Variants in PAK2 observed in about 807,000 individuals in gnomAD.
PAK2 encodes p21 (RAC1) activated kinase 2, also known as serine/threonine-protein kinase PAK 2.
Under a neutral mutation model 65.9 loss-of-function variants are expected in PAK2, and 21 were observed. That is an observed-to-expected ratio of 0.32 (90% confidence interval 0.23 to 0.46). The LOEUF (loss-of-function observed/expected upper bound fraction) is 0.46, where lower values mean the gene tolerates loss of function less well. PAK2 is among the 20% of genes least tolerant of loss of function. PAK2 has a pLI of 1.00. For synonymous variants in PAK2, 204 were observed against 219.7 expected (o/e 0.93, Z 0.63); for missense variants, 324 against 642.6 (o/e 0.50, Z 5.36).
rs1455922838 is a variant in PAK2 at position 196,743,110 on chromosome 3, AT to A, written c.-22+2954del. Among the ~76,000 whole-genome samples, 11 of 152,082 alleles carry A rather than the reference AT, an allele frequency of 7.2e-5. No homozygotes were observed. In the South Asian group the frequency reaches 1.7e-3, roughly 23 times the overall value. On this transcript the variant is annotated intron_variant, in intron 1 of 14. Transcript: ENST00000327134. ...CAGAGCAGAATAGGAAAGGAAAAAA[AT>A]CCCTCATTGCCCCCAAAAAATAAAA... is the stretch of plus-strand genomic sequence containing the variant.
At position 196,802,945 on chromosome 3, in the gene PAK2, C is replaced by T. The variant is rs549385623; in HGVS notation, c.289-72C>T. The T allele has an allele frequency of 4.0e-6, 4 of 1,010,240 alleles. No individual in the cohort carries two copies. The East Asian group carries it at 1.1e-4, about 28-fold the overall frequency. 62.6% of individuals were successfully genotyped at this position (1,010,240 alleles called of 1,614,324 possible). On this transcript the variant is annotated intron_variant, in intron 3 of 14. Coordinates refer to ENST00000327134, the MANE Select transcript of PAK2 (RefSeq NM_002577.4). ...GATTGGTTTGTTTTGTGTATTTTGT[C>T]ATTTATCTCTGGAAATTAATTTTAT... is the stretch of plus-strand genomic sequence containing the variant.
chr3:196,825,113 A>G (rs1456337037), intron 13 of PAK2, among the ~76,000 whole-genome samples: 1 of 152,172 alleles, frequency 6.6e-6, no homozygotes, highest in Non-Finnish European at 1.5e-5. Context: ...TGGGAGGCCA[A>G]GGTGGGCAGA....
chr3:196,793,859 G>A (rs758059090), intron 2 of PAK2, among the ~76,000 whole-genome samples: 23 of 152,284 alleles, frequency 1.5e-4, no homozygotes, highest in South Asian at 4.1e-4. Context: ...CTGCTGGAGC[G>A]GTGGCTCACA....
chr3:196,783,362 C>T (rs1404538505), intron 2 of PAK2, among the ~76,000 whole-genome samples: 3 of 152,098 alleles, frequency 2.0e-5, no homozygotes, highest in Non-Finnish European at 4.4e-5. Flanking sequence ...CTATTGACAT[C>T]TTGGAGCCAA....
chr3:196,813,556 G>GTTA (rs2108766874), intron 10 of PAK2, among the ~76,000 whole-genome samples: 2 of 152,200 alleles, frequency 1.3e-5, no homozygotes, highest in East Asian at 3.9e-4. Context: ...GAAGATAGAG[G>GTTA]TGATTATAGG....
At chr3:196,747,361 A>G (rs1290248730) in intron 1 of PAK2, 2 of 152,128 alleles carry the variant, frequency 1.3e-5, no homozygotes, top group African/African-American at 4.8e-5. Flanking sequence ...AAAAACCTTT[A>G]ATGTTCTTAA....
chr3:196,760,700 A>G (rs1713931118), intron 1 of PAK2, among the ~76,000 whole-genome samples: 2 of 152,080 alleles, frequency 1.3e-5, no homozygotes, highest in Non-Finnish European at 2.9e-5. Context: ...ATGCTATCCA[A>G]ATTATTTGTG....
chr3:196,755,336 A>C (rs1012912448), intron 1 of PAK2, among the ~76,000 whole-genome samples: 4 of 152,084 alleles, frequency 2.6e-5, no homozygotes, highest in Admixed American at 1.3e-4. Flanking sequence ...TGAGGCTGAA[A>C]ATTTTTCCTA....
At position 196,786,081 on chromosome 3, in the gene PAK2, A is replaced by G. The variant is rs187072192; in HGVS notation, c.187+3248A>G. 3.4e-3 allele frequency among the ~76,000 whole-genome samples: 517 copies of G among 152,218 alleles called. 3 individuals carry two copies. Among genetic ancestry groups the G allele is most frequent in the Non-Finnish European group, 6.4e-3 (436 of 68,018 alleles). On this transcript the variant is annotated intron_variant, in intron 2 of 14. Transcript: ENST00000327134. ...ATGATGTTAAAGATAGTATTCCAGGATGTGATTTGCCTTCTCACCCTTTCA... is the reference window on the plus strand; with the variant it reads ...ATGATGTTAAAGATAGTATTCCAGGGTGTGATTTGCCTTCTCACCCTTTCA...
At chr3:196,747,105 A>G (rs1441631842) in intron 1 of PAK2, 3 of 146,748 alleles carry the variant, frequency 2.0e-5, no homozygotes, top group African/African-American at 5.1e-5. Context: ...TACTTATTGT[A>G]TTGGTTTTTT....
intron 1 of PAK2, among the ~76,000 whole-genome samples, chr3:196,778,572 A>T (rs925855661): frequency 3.3e-5 from 5 of 152,186 alleles, no homozygotes; most frequent in African/African-American, 1.2e-4. Flanking sequence ...TCTAATGTTA[A>T]CATCTTACAT....
At chr3:196,787,155 A>C (rs1158926289) in intron 2 of PAK2, among the ~76,000 whole-genome samples, 1 of 152,134 alleles carries the variant, frequency 6.6e-6, no homozygotes, top group East Asian at 1.9e-4. Flanking sequence ...TGATGGAACA[A>C]ATCTCTTAAC....
intron 10 of PAK2, 88 bp from the exon 11 acceptor site, chr3:196,814,363 G>A: frequency 1.6e-6 from 1 of 628,228 alleles, no homozygotes; most frequent in Non-Finnish European, 2.8e-6. Flanking sequence ...TATTGTTAGG[G>A]TGTTTAATAT....
At chr3:196,742,104 T>C (rs1288931545) in intron 1 of PAK2, among the ~76,000 whole-genome samples, 1 of 149,792 alleles carries the variant, frequency 6.7e-6, no homozygotes, top group East Asian at 1.9e-4. Context: ...TATTTCTTTT[T>C]TTTTTTTTTT....
At chr3:196,769,912 C>CT (rs1714309095) in intron 1 of PAK2, among the ~76,000 whole-genome samples, 1 of 152,084 alleles carries the variant, frequency 6.6e-6, no homozygotes, top group Admixed American at 6.5e-5. Flanking sequence ...CTTTATTCTA[C>CT]TTTCTGTCTA....
Position 196,769,692 on chromosome 3 carries a change from C to T in PAK2, c.-21-12934C>T, listed in dbSNP as rs567278434. ...ATTAGCTGGGCGTGGTGGTAGGCGCCTGCAGTTCCAGCTACTGGGGAAGCT... is the reference window on the plus strand; with the variant it reads ...ATTAGCTGGGCGTGGTGGTAGGCGCTTGCAGTTCCAGCTACTGGGGAAGCT... On this transcript the variant is annotated intron_variant, in intron 1 of 14. Transcript: ENST00000327134. Among the ~76,000 whole-genome samples, 2 of 151,954 alleles carry T rather than the reference C, an allele frequency of 1.3e-5. 1 individual carries two copies. The highest frequency in any genetic ancestry group is 4.8e-5 in the African/African-American group (2 of 41,332).
chr3:196,759,511 T>TGG (rs1713887505), intron 1 of PAK2, among the ~76,000 whole-genome samples: 2 of 49,626 alleles, frequency 4.0e-5, no homozygotes, highest in African/African-American at 1.5e-4. Flanking sequence ...TTTTTTTTTT[T>TGG]TTTTTTTTTT....
At chr3:196,753,248 C>T (rs374884200) in intron 1 of PAK2, among the ~76,000 whole-genome samples, 15 of 152,152 alleles carry the variant, frequency 9.9e-5, no homozygotes, top group African/African-American at 2.4e-4. Flanking sequence ...TGAGCCACCG[C>T]GCCGGGCCTG....
intron 1 of PAK2, among the ~76,000 whole-genome samples, chr3:196,769,141 A>G (rs541317453): frequency 2.6e-5 from 4 of 151,852 alleles, no homozygotes; most frequent in Admixed American, 6.6e-5. Flanking sequence ...AGCCTGGGCA[A>G]CATAGGGAGG....
Sources: allele counts gnomAD v4.1 joint callset (sites outside exome capture counted in the v4.1 genomes callset), GRCh38; gene constraint gnomAD v4.1.1; transcripts MANE v1.5; gene names NCBI Gene and HGNC (gene_info 2026-07-23, HGNC 2026-07-21).